The following AK5 variants were observed in gnomAD, a reference collection of about 807,000 sequenced individuals.
AK5 encodes the protein adenylate kinase 5.
A neutral mutation model predicts 69.5 loss-of-function variants in AK5; 27 were observed. That is an observed-to-expected ratio of 0.39 (90% CI 0.29 to 0.54). AK5 has a LOEUF of 0.54. Among genes scored for constraint, AK5 ranks in the 20% least tolerant of loss-of-function variants. AK5 has a pLI of 0.71. For synonymous variants in AK5, 260 were observed against 244.4 expected (o/e 1.06, Z -0.60); for missense variants, 531 against 700.4 (o/e 0.76, Z 2.73).
intron 6 of AK5, among the ~76,000 whole-genome samples, chr1:77,384,089 A>G (rs998213698): frequency 1.3e-5 from 2 of 152,166 alleles, no homozygotes; most frequent in Non-Finnish European, 2.9e-5. Flanking sequence ...GCAGGCCCTT[A>G]TTCTACAGAT....
At chr1:77,337,732 A>G (rs1290636883) in intron 5 of AK5, among the ~76,000 whole-genome samples, 5 of 152,206 alleles carry the variant, frequency 3.3e-5, no homozygotes, top group African/African-American at 1.2e-4. Context: ...GGGAAATACT[A>G]ACTTCTGAGT....
chr1:77,367,341 T>A (rs1411572814), intron 6 of AK5, among the ~76,000 whole-genome samples: 1 of 150,708 alleles, frequency 6.6e-6, no homozygotes, highest in Admixed American at 6.6e-5. Context: ...CTGGTTTTTG[T>A]TTTTTGAGAC....
chr1:77,388,262 G>T (rs1270428788), intron 6 of AK5, among the ~76,000 whole-genome samples: 1 of 152,038 alleles, frequency 6.6e-6, no homozygotes, highest in Non-Finnish European at 1.5e-5. Context: ...CAATCTCACT[G>T]GTCTCCGTAG....
At chr1:77,452,944 G>A (rs1174948835) in intron 8 of AK5, among the ~76,000 whole-genome samples, 4 of 152,036 alleles carry the variant, frequency 2.6e-5, no homozygotes, top group African/African-American at 9.7e-5. Context: ...AGAAATTTGT[G>A]GACACTAAAC....
At chr1:77,444,837 A>G (rs1056700859) in intron 8 of AK5, among the ~76,000 whole-genome samples, 3 of 151,208 alleles carry the variant, frequency 2.0e-5, no homozygotes, top group African/African-American at 7.3e-5. Flanking sequence ...TTGGCCTCCC[A>G]AAGTGCTGGG....
intron 2 of AK5, among the ~76,000 whole-genome samples, chr1:77,289,573 G>A (rs1205548266): frequency 1.3e-5 from 2 of 152,104 alleles, no homozygotes; most frequent in African/African-American, 4.8e-5. Flanking sequence ...TGCTCTGACT[G>A]GGTGTAAAAG....
At chr1:77,398,524 A>G (rs1383542101) in intron 6 of AK5, among the ~76,000 whole-genome samples, 4 of 146,914 alleles carry the variant, frequency 2.7e-5, no homozygotes, top group Non-Finnish European at 4.6e-5. Flanking sequence ...AGGAGAGAAG[A>G]GAAAATAGAA....
chr1:77,476,173 C>G (rs1209075863), intron 8 of AK5, among the ~76,000 whole-genome samples: 1 of 152,134 alleles, frequency 6.6e-6, no homozygotes, highest in African/African-American at 2.4e-5. Context: ...AAGTACTTTA[C>G]AGCAAGCAGA....
At position 77,509,481 on chromosome 1, in the gene AK5, G is replaced by C. The variant is rs184112678; in HGVS notation, c.1148-9083G>C. Reference sequence around the variant, plus strand: ...AGGTTTCAACTGACCCATGGGCCCAGAATGGTTGAGGATCATTCTTAGGGC... The same window carrying C: ...AGGTTTCAACTGACCCATGGGCCCACAATGGTTGAGGATCATTCTTAGGGC... On this transcript the variant is annotated intron_variant, in intron 10 of 13. Transcript: ENST00000354567. Among the ~76,000 whole-genome samples the C allele has an allele frequency of 2.0e-5, 3 of 152,290 alleles. No individual in the cohort carries two copies. The East Asian group carries it at 5.8e-4, about 29-fold the overall frequency.
chr1:77,409,369 A>G (rs1420900583), intron 6 of AK5, among the ~76,000 whole-genome samples: 1 of 151,892 alleles, frequency 6.6e-6, no homozygotes, highest in Non-Finnish European at 1.5e-5. Flanking sequence ...ACTAATTTAC[A>G]CTCCCACCAA....
intron 10 of AK5, among the ~76,000 whole-genome samples, chr1:77,509,987 G>T (rs1657249572): frequency 6.6e-6 from 1 of 152,180 alleles, no homozygotes; most frequent in African/African-American, 2.4e-5. Flanking sequence ...CCCCCATTTT[G>T]TAACTGAAGA....
intron 6 of AK5, among the ~76,000 whole-genome samples, chr1:77,360,718 AG>A (rs1456846041): frequency 2.0e-5 from 3 of 152,164 alleles, no homozygotes; most frequent in Non-Finnish European, 4.4e-5. Flanking sequence ...TGCTGGATGA[AG>A]GTACACATTT....
At chr1:77,445,284 C>T (rs1476543176) in intron 8 of AK5, among the ~76,000 whole-genome samples, 9 of 152,174 alleles carry the variant, frequency 5.9e-5, no homozygotes, top group Non-Finnish European at 1.2e-4. Flanking sequence ...TTCACACCCT[C>T]ACCAACACTT....
At chr1:77,451,180 A>C (rs1322265791) in intron 8 of AK5, among the ~76,000 whole-genome samples, 4 of 152,198 alleles carry the variant, frequency 2.6e-5, no homozygotes, top group Non-Finnish European at 5.9e-5. Flanking sequence ...TCTCGAAAAA[A>C]AAATAAATAC....
chr1:77,367,682 G>A (rs1646997758), intron 6 of AK5, among the ~76,000 whole-genome samples: 2 of 80,000 alleles, frequency 2.5e-5, no homozygotes, highest in African/African-American at 5.0e-5. Context: ...TAATATATAT[G>A]TTATATATAC....
chr1:77,380,435 A>G (rs1647550980), intron 6 of AK5, among the ~76,000 whole-genome samples: 1 of 152,216 alleles, frequency 6.6e-6, no homozygotes, highest in Admixed American at 6.5e-5. Flanking sequence ...ATTTCCAACC[A>G]GTTGCACTCT....
At chr1:77,318,507 T>G (rs1314564213) in intron 5 of AK5, among the ~76,000 whole-genome samples, 2 of 152,138 alleles carry the variant, frequency 1.3e-5, no homozygotes, top group African/African-American at 4.8e-5. Flanking sequence ...ACTTTCTGAC[T>G]GGAAGAGAAA....
intron 5 of AK5, among the ~76,000 whole-genome samples, chr1:77,328,568 C>T (rs368559581): frequency 1.1e-4 from 15 of 137,356 alleles, no homozygotes; most frequent in African/African-American, 3.7e-4. Context: ...GCCTAATGTA[C>T]CCCAATCACT....
Position 77,423,508 on chromosome 1 carries a change from C to T in AK5, c.1059+5793C>T, listed in dbSNP as rs116757035. Among the ~76,000 whole-genome samples, 694 of 152,112 alleles carry T rather than the reference C, an allele frequency of 4.6e-3. 5 individuals are homozygous for T. Among genetic ancestry groups the T allele is most frequent in the African/African-American group, 0.016 (664 of 41,490 alleles). On this transcript the variant is annotated intron_variant, in intron 8 of 13. Coordinates refer to ENST00000354567, the MANE Select transcript of AK5 (RefSeq NM_174858.3). ...AAAAAGCTGAACAACTGAAAATAAA[C>T]AATCACTCTTAGATCTGTCAGAGAA...
Sources: allele counts gnomAD v4.1 joint callset (sites outside exome capture counted in the v4.1 genomes callset), GRCh38; gene constraint gnomAD v4.1.1; transcripts MANE v1.5; gene names NCBI Gene and HGNC (gene_info 2026-07-23, HGNC 2026-07-21).